EVI5: variants seen among roughly 807,000 people sequenced by gnomAD.
EVI5 encodes ecotropic viral integration site 5 protein homolog.
In EVI5, 73 loss-of-function variants were observed where a neutral mutation model predicts 112.0. The observed-to-expected ratio is 0.65, with a 90% CI of 0.54 to 0.79. The LOEUF is 0.79. Ranked by LOEUF, EVI5 falls within the 30% of genes least tolerant of loss-of-function variation. The pLI, the probability that EVI5 is intolerant of heterozygous loss-of-function variation, is 0.00. For synonymous variants in EVI5, 305 were observed against 319.9 expected (o/e 0.95, Z 0.50); for missense variants, 900 against 968.8 (o/e 0.93, Z 0.94).
At chr1:92,638,488 C>CT (rs1160770190) in intron 13 of EVI5, among the ~76,000 whole-genome samples, 1 of 152,118 alleles carries the variant, frequency 6.6e-6, no homozygotes, top group African/African-American at 2.4e-5. Flanking sequence ...TACACAGTGT[C>CT]TAAGGAAAAG....
intron 1 of EVI5, among the ~76,000 whole-genome samples, chr1:92,767,545 A>C (rs1040732674): frequency 2.6e-5 from 4 of 152,238 alleles, no homozygotes; most frequent in African/African-American, 4.8e-5. Context: ...TCTCTTAATC[A>C]AAACTGGAAA....
intron 11 of EVI5, among the ~76,000 whole-genome samples, chr1:92,665,191 CGAGACTCTCTCTCAAAAAAATAAAAAA>C (rs1664683286): frequency 1.3e-5 from 2 of 152,004 alleles, no homozygotes; most frequent in South Asian, 4.2e-4. Context: ...GGCAACAGAG[CGAGACTCTCTCTCAAAAAAATAAAAAA>C]GAAAAAGAAA....
At chr1:92,583,074 C>T (rs1187910879) in intron 18 of EVI5, among the ~76,000 whole-genome samples, 1 of 152,074 alleles carries the variant, frequency 6.6e-6, no homozygotes, top group Non-Finnish European at 1.5e-5. Flanking sequence ...ATATATTCTG[C>T]TTATAATTTG....
rs551998122 is a variant in EVI5, at chr1:92,594,655, G to A, written c.2070+10652C>T. On this transcript the variant is annotated intron_variant, in intron 18 of 19. Coordinates refer to ENST00000684568, the MANE Select transcript of EVI5 (RefSeq NM_001350197.2). ...GCCTACAGAATGGGAGAAAATTTTCGCAACCTACTCATCTGACAAAGGGCT... is the reference window on the plus strand; with the variant it reads ...GCCTACAGAATGGGAGAAAATTTTCACAACCTACTCATCTGACAAAGGGCT... 1.1e-3 allele frequency among the ~76,000 whole-genome samples: 156 copies of A among 139,024 alleles called. 3 individuals carry two copies. In the South Asian group the frequency reaches 0.023, roughly 21 times the overall value. The allele number at this position is 139,024 out of a possible 152,430, so 91.2% of individuals were successfully genotyped here.
At chr1:92,685,704 T>G (rs1202047032) in intron 9 of EVI5, among the ~76,000 whole-genome samples, 1 of 152,010 alleles carries the variant, frequency 6.6e-6, no homozygotes, top group South Asian at 2.1e-4. Context: ...CAATAAAAAA[T>G]GATAAAGGGG....
chr1:92,678,944 G>C (rs1351967994), intron 9 of EVI5, among the ~76,000 whole-genome samples: 2 of 152,158 alleles, frequency 1.3e-5, no homozygotes, highest in East Asian at 3.8e-4. Context: ...ACATTACTCT[G>C]TCTCTCACTA....
intron 1 of EVI5, among the ~76,000 whole-genome samples, chr1:92,752,488 G>A (rs764898207): frequency 2.0e-5 from 3 of 152,000 alleles, no homozygotes; most frequent in Non-Finnish European, 2.9e-5. Flanking sequence ...CTAATGAAAC[G>A]TCTTAATACA....
At chr1:92,578,247 T>C (rs934490661) in intron 18 of EVI5, among the ~76,000 whole-genome samples, 5 of 152,206 alleles carry the variant, frequency 3.3e-5, no homozygotes, top group Admixed American at 6.5e-5. Context: ...TCTAGAACTA[T>C]TACCCCCATA....
intron 16 of EVI5, among the ~76,000 whole-genome samples, chr1:92,614,721 G>A (rs11807962): frequency 0.2 from 29,426 of 150,684 alleles, 3,411 homozygotes; most frequent in Non-Finnish European, 0.25. Flanking sequence ...TCTTGCAGAC[G>A]GCCTATTGTG....
chr1:92,695,571 A>C (rs1162339106), intron 6 of EVI5, 118 bp from the exon 7 acceptor site: 1 of 571,128 alleles, frequency 1.8e-6, no homozygotes, highest in East Asian at 3.2e-5. Flanking sequence ...CATATGGAAA[A>C]GGTAAGACAT....
rs112664937 is a variant in EVI5, at chr1:92,566,207, C to A, written c.2071-2470G>T. On this transcript the variant is annotated intron_variant, in intron 18 of 19. Coordinates refer to ENST00000684568, the MANE Select transcript of EVI5 (RefSeq NM_001350197.2). ...AAACCTTTTACTAGAATATGGCCTG[C>A]TGAAGTGGTTTAGTGTAATTAATAT... Among the ~76,000 whole-genome samples the A allele has an allele frequency of 5.8e-3, 884 of 152,204 alleles. 6 individuals are homozygous for A. Among genetic ancestry groups the A allele is most frequent in the African/African-American group, 0.019 (785 of 41,510 alleles).
At chr1:92,699,541 C>T (rs1670815302) in intron 5 of EVI5, among the ~76,000 whole-genome samples, 1 of 152,104 alleles carries the variant, frequency 6.6e-6, no homozygotes, top group Non-Finnish European at 1.5e-5. Context: ...TGGAAGGGGA[C>T]AGAGATTACT....
rs536843381 is a variant in EVI5, at chr1:92,605,475, G to A, written c.1975-73C>T. 1.3e-4 allele frequency: 135 copies of A among 1,007,184 alleles called. 1 individual carries two copies. The South Asian group carries it at 1.7e-3, about 13-fold the overall frequency. The allele number at this position is 1,007,184 out of a possible 1,614,324, so 62.4% of individuals were successfully genotyped here. A position where few individuals can be genotyped will look rare whatever the true frequency, so the allele number is the denominator to read the frequency against. ...AATTCAGATTTTAGAAAAGTAATAG[G>A]TTGCATAAACCATACGTTAAGTATT... On this transcript the variant is annotated intron_variant, in intron 17 of 19. Transcript: ENST00000684568.
chr1:92,778,661 G>C (rs1345770065), intron 1 of EVI5, among the ~76,000 whole-genome samples: 3 of 152,116 alleles, frequency 2.0e-5, no homozygotes, highest in African/African-American at 7.2e-5. Flanking sequence ...AATCCACCCA[G>C]ATCAATTATT....
intron 1 of EVI5, among the ~76,000 whole-genome samples, chr1:92,763,336 A>G (rs908762351): frequency 1.3e-5 from 2 of 152,124 alleles, no homozygotes; most frequent in African/African-American, 4.8e-5. Flanking sequence ...AAATTTTGAT[A>G]ATTTTTATAT....
At chr1:92,593,459 T>A (rs1674354486) in intron 18 of EVI5, among the ~76,000 whole-genome samples, 1 of 152,080 alleles carries the variant, frequency 6.6e-6, no homozygotes, top group South Asian at 2.1e-4. Flanking sequence ...CCACAGCCAA[T>A]ATCATATTGA....
At chr1:92,788,500 A>T (rs1295498727), upstream of EVI5, among the ~76,000 whole-genome samples, 1 of 135,986 alleles carries the variant, frequency 7.4e-6, no homozygotes, top group East Asian at 2.0e-4. Context: ...ACAAAACAAA[A>T]CAAAAAAAAA....
chr1:92,661,630 TC>T, intron 13 of EVI5, among the ~76,000 whole-genome samples: 3 of 152,194 alleles, frequency 2.0e-5, no homozygotes, highest in Admixed American at 2.0e-4. Flanking sequence ...AAATATGAGT[TC>T]CCTTCTTTTT....
At chr1:92,751,769 T>C (rs1680231324) in intron 1 of EVI5, among the ~76,000 whole-genome samples, 2 of 152,094 alleles carry the variant, frequency 1.3e-5, no homozygotes, top group Admixed American at 1.3e-4. Context: ...TCTCAGCACT[T>C]TGGGAAGCCA....
Sources: allele counts gnomAD v4.1 joint callset (sites outside exome capture counted in the v4.1 genomes callset), GRCh38; gene constraint gnomAD v4.1.1; transcripts MANE v1.5; gene names NCBI Gene and HGNC (gene_info 2026-07-23, HGNC 2026-07-21).